The following CRIP1 variants were observed in gnomAD, a reference collection of about 807,000 sequenced individuals.
CRIP1 encodes the protein cysteine-rich protein 1.
A neutral mutation model predicts 12.9 loss-of-function variants in CRIP1; 11 were observed. The ratio of observed to expected loss-of-function variants is 0.86; its 90% confidence interval spans 0.54 to 1.42. CRIP1 has a LOEUF of 1.42. CRIP1 is among the 40% of genes most tolerant of loss of function. CRIP1 has a pLI of 0.00. For missense variants in CRIP1, 122 were observed against 101.3 expected, an observed-to-expected ratio of 1.20 and a Z score of -0.88; for synonymous variants, 41 against 37.2, an observed-to-expected ratio of 1.10 and a Z score of -0.37.
At chr14:105,487,852 C>T (rs587597601) in intron 2 of CRIP1, 2 of 415,448 alleles carry the variant, frequency 4.8e-6, no homozygotes, top group African/African-American at 4.0e-5. Flanking sequence ...CCCTGCTGAC[C>T]TAAGCCGCGA....
intron 2 of CRIP1, 24 bp from the exon 3 acceptor site, chr14:105,488,142 C>G: frequency 6.2e-7 from 1 of 1,606,866 alleles, no homozygotes; most frequent in Non-Finnish European, 8.5e-7. Context: ...AGCGTCTCAC[C>G]GGGGCCTGTC....
rs933086822 is a variant in CRIP1 at position 105,487,537 on chromosome 14, G to A, written c.40+238G>A. 1.4e-3 allele frequency: 671 copies of A among 495,458 alleles called. 1 individual carries two copies. Among genetic ancestry groups the A allele is most frequent in the Admixed American group, 2.9e-3 (69 of 24,122 alleles). 30.7% of individuals were successfully genotyped at this position (495,458 alleles called of 1,614,324 possible). A position where few individuals can be genotyped will look rare whatever the true frequency, so the allele number is the denominator to read the frequency against. On this transcript the variant is annotated intron_variant, in intron 2 of 5. Coordinates refer to ENST00000392531, the MANE Select transcript of CRIP1 (RefSeq NM_001311.5). ...CTCGGCGGGCTACCTCTGGCTCTGA[G>A]CCTCCCCGTCTCTGGGTCCTACGGT...
intron 2 of CRIP1, 99 bp downstream of exon 2, chr14:105,487,398 G>A (rs1219753414): frequency 1.8e-6 from 2 of 1,116,786 alleles, no homozygotes; most frequent in African/African-American, 3.3e-5. Flanking sequence ...TCCCTGGGGC[G>A]GCGCCCCAGC....
chr14:105,487,185 C>T lies in CRIP1; in HGVS notation c.-61-14C>T. The stretch of plus-strand genomic sequence containing the variant: ...GGGTCCCTGAAAGGCGCGGACCAGG[C>T]CGGATCCACCCAGTCTCGCGCCTGC... On this transcript the variant is annotated splice_polypyrimidine_tract_variant and intron_variant, in intron 1 of 5. Coordinates refer to ENST00000392531, the MANE Select transcript of CRIP1 (RefSeq NM_001311.5). The T allele has an allele frequency of 6.5e-7, 1 of 1,528,882 alleles. No individual in the cohort carries two copies. The highest frequency in any genetic ancestry group is 8.8e-7 in the Non-Finnish European group (1 of 1,137,770). 94.7% of individuals were successfully genotyped at this position (1,528,882 alleles called of 1,614,324 possible).
chr14:105,488,123 G>T (rs782156428), intron 2 of CRIP1, 43 bp from the exon 3 acceptor site: 2 of 1,584,124 alleles, frequency 1.3e-6, no homozygotes, highest in Admixed American at 1.7e-5. Context: ...GGTAGGCGCC[G>T]CGTCCTGCAG....
In CRIP1 at chr14:105,488,472, C is replaced by T. The variant is rs782250550; in HGVS notation, c.195C>T (p.Gly65=). 2.8e-5 allele frequency: 44 copies of T among 1,553,194 alleles called. No homozygotes were observed. The highest frequency in any genetic ancestry group is 3.7e-5 in the Non-Finnish European group (42 of 1,145,310). ...PCYAAMFGPK[G]FGRGGAESHT... is the part of the protein sequence containing the mutation. ...TGACTTTTTCCACCTTCTCTGCAGG[C>T]TTTGGGCGGGGCGGAGCCGAGAGCC... Residue 65 remains glycine, a splice_region_variant and synonymous_variant, in exon 5 of 6, where the codon GGC becomes GGT. Transcript: ENST00000392531.
chr14:105,488,399 G>C lies in CRIP1; in HGVS notation c.193+11G>C, dbSNP rs782376898. ...TGTTTGGGCCTAAAGGTATGCTCCCGTCATCCCCACCCCACCCCACCCCAC... is the reference window on the plus strand; with the variant it reads ...TGTTTGGGCCTAAAGGTATGCTCCCCTCATCCCCACCCCACCCCACCCCAC... On this transcript the variant is annotated intron_variant, in intron 4 of 5. Transcript: ENST00000392531. 67 of 1,609,086 alleles carry C rather than the reference G, an allele frequency of 4.2e-5. No homozygotes were observed. Among genetic ancestry groups the C allele is most frequent in the Middle Eastern group, 1.9e-4 (1 of 5,174 alleles).
chr14:105,487,653 T>A, intron 2 of CRIP1: 1 of 229,522 alleles, frequency 4.4e-6, no homozygotes, highest in Non-Finnish European at 8.3e-6. Context: ...CAGCGCTAAG[T>A]GGAAACAGAC....
chr14:105,488,115 T>C (rs782345077), intron 2 of CRIP1, 51 bp from the exon 3 acceptor site: 3 of 1,546,510 alleles, frequency 1.9e-6, no homozygotes, highest in Non-Finnish European at 2.6e-6. Flanking sequence ...CAGTGGTGGG[T>C]AGGCGCCGCG....
intron 2 of CRIP1, 136 bp downstream of exon 2, chr14:105,487,435 GC>G (rs1373534388): frequency 1.4e-6 from 1 of 702,260 alleles, no homozygotes; most frequent in Non-Finnish European, 2.3e-6. Flanking sequence ...CTGGCCCGCC[GC>G]CTGCCCCGGG....
chr14:105,488,516 G>A lies in CRIP1; in HGVS notation c.*5G>A. 2 of 1,587,984 alleles carry A rather than the reference G, an allele frequency of 1.3e-6. No individual in the cohort carries two copies. Among genetic ancestry groups the A allele is most frequent in the Non-Finnish European group, 1.7e-6 (2 of 1,166,702 alleles). Reference sequence around the variant, plus strand: ...GAGAGCCACACTTTCAAGTAAACCAGGTAGGTAGGACCCCACCCCCTATCC... The same window carrying A: ...GAGAGCCACACTTTCAAGTAAACCAAGTAGGTAGGACCCCACCCCCTATCC... On this transcript the variant is annotated splice_region_variant and 3_prime_UTR_variant, in exon 5 of 6. Transcript: ENST00000392531.
rs151076872 is a variant in CRIP1 at position 105,488,201 on chromosome 14, C to T, written c.76C>T (p.Arg26Trp). ...RVTSLGKDWH[R>W]PCLKCEKCGK... ...GACCTCTCTGGGCAAGGACTGGCAT[C>T]GGCCCTGCCTGAAGTGCGAGAAATG... Residue 26 changes from arginine to tryptophan, a missense_variant, in exon 3 of 6, where the codon CGG (arginine) becomes TGG (tryptophan). Transcript: ENST00000392531. 4.8e-5 allele frequency: 78 copies of T among 1,613,098 alleles called. No individual in the cohort carries two copies. The highest frequency in any genetic ancestry group is 1.0e-4 in the Admixed American group (6 of 60,010).
At chr14:105,488,127 C>G in intron 2 of CRIP1, 39 bp from the exon 3 acceptor site, 2 of 1,591,396 alleles carry the variant, frequency 1.3e-6, no homozygotes, top group African/African-American at 1.3e-5. Context: ...GGCGCCGCGT[C>G]CTGCAGCGTC....
Position 105,488,244 on chromosome 14 carries a change from C to T in CRIP1, c.119C>T (p.Ser40Phe), listed in dbSNP as rs2084143497. Residue 40 changes from serine (S) to phenylalanine (F), a missense_variant, in exon 3 of 6, where the codon TCT (serine) becomes TTT (phenylalanine). By Grantham distance (155) the Ser-to-Phe change is radical (BLOSUM62 -2). Coordinates refer to ENST00000392531, the MANE Select transcript of CRIP1 (RefSeq NM_001311.5). The stretch of plus-strand genomic sequence containing the variant: ...GAGAAATGTGGGAAGACGCTGACCT[C>T]TGGGGGCCACGCTGAGGTAGGTGGG... ...KCEKCGKTLT[S>F]GGHAEHEGKP... 6.2e-7 allele frequency: 1 copy of T among 1,613,342 alleles called. No individual in the cohort carries two copies. The highest frequency in any genetic ancestry group is 1.7e-5 in the Admixed American group (1 of 60,010).
intron 2 of CRIP1, 56 bp from the exon 3 acceptor site, chr14:105,488,110 G>C: frequency 6.4e-7 from 1 of 1,556,396 alleles, no homozygotes; most frequent in Non-Finnish European, 8.8e-7. Flanking sequence ...TACGCCAGTG[G>C]TGGGTAGGCG....
At position 105,488,400 on chromosome 14, in the gene CRIP1, T is replaced by C. The variant is rs2084146914; in HGVS notation, c.193+12T>C. 1.2e-6 allele frequency: 2 copies of C among 1,608,712 alleles called. No individual in the cohort carries two copies. Among genetic ancestry groups the C allele is most frequent in the Non-Finnish European group, 1.7e-6 (2 of 1,178,684 alleles). ...GTTTGGGCCTAAAGGTATGCTCCCG[T>C]CATCCCCACCCCACCCCACCCCACA... is the stretch of plus-strand genomic sequence containing the variant. On this transcript the variant is annotated intron_variant, in intron 4 of 5. Coordinates refer to ENST00000392531, the MANE Select transcript of CRIP1 (RefSeq NM_001311.5).
chr14:105,488,611 A>G (rs1211024445), intron 5 of CRIP1, 52 bp from the exon 6 acceptor site: 1 of 1,302,900 alleles, frequency 7.7e-7, no homozygotes, highest in African/African-American at 1.5e-5. Flanking sequence ...GTGGGCCCCA[A>G]AGGAGGCCGT....
chr14:105,487,211 A>AGCCCGTGCC lies in CRIP1; in HGVS notation c.-44_-36dup, dbSNP rs2084128834. On this transcript the variant is annotated 5_prime_UTR_variant, in exon 2 of 6. Coordinates refer to ENST00000392531, the MANE Select transcript of CRIP1 (RefSeq NM_001311.5). The stretch of plus-strand genomic sequence containing the variant: ...CGGATCCACCCAGTCTCGCGCCTGC[A>AGCCCGTGCC]GCCCGTGCCGCCCCAGCCGCTGCCG... 6.5e-7 allele frequency: 1 copy of AGCCCGTGCC among 1,538,284 alleles called. No homozygotes were observed. The highest frequency in any genetic ancestry group is 8.8e-7 in the Non-Finnish European group (1 of 1,142,356).
chr14:105,488,527 C>T lies in CRIP1; in HGVS notation c.*5+11C>T. ...TTTCAAGTAAACCAGGTAGGTAGGA[C>T]CCCACCCCCTATCCTGCCTCCTGGT... On this transcript the variant is annotated intron_variant, in intron 5 of 5. Coordinates refer to ENST00000392531, the MANE Select transcript of CRIP1 (RefSeq NM_001311.5). 1 of 1,578,524 alleles carries T rather than the reference C, an allele frequency of 6.3e-7. No individual in the cohort carries two copies. Among genetic ancestry groups the T allele is most frequent in the Admixed American group, 1.7e-5 (1 of 58,640 alleles).
Sources: gnomAD v4.1 joint callset for allele counts on GRCh38, gnomAD v4.1.1 for gene constraint, MANE v1.5 for transcripts, NCBI Gene and HGNC (gene_info 2026-07-23, HGNC 2026-07-21) for gene names.